The following DGKG variants were observed in gnomAD, a reference collection of about 807,000 sequenced individuals.
The protein encoded by DGKG is diacylglycerol kinase gamma.
DGKG carries 78 observed loss-of-function variants against 105.3 expected under a neutral mutation model. The ratio of observed to expected loss-of-function variants is 0.74; its 90% CI spans 0.62 to 0.89. The LOEUF (loss-of-function observed/expected upper bound fraction) is 0.89. DGKG is among the 40% of genes least tolerant of loss of function. The pLI is 0.00. For synonymous variants in DGKG, 346 were observed against 367.1 expected (o/e 0.94, Z 0.66); for missense variants, 958 against 1,020.1 (o/e 0.94, Z 0.83).
intron 20 of DGKG, among the ~76,000 whole-genome samples, chr3:186,218,264 G>C (rs938097157): frequency 6.6e-6 from 1 of 152,016 alleles, no homozygotes; most frequent in Admixed American, 6.6e-5. Context: ...CAGCACTTTG[G>C]GAGGCTGAGG....
Position 186,254,384 on chromosome 3 carries a change from G to A in DGKG, c.1511-1202C>T, listed in dbSNP as rs574442375. Among the ~76,000 whole-genome samples the A allele has an allele frequency of 1.2e-4, 18 of 152,260 alleles. No homozygotes were observed. In the South Asian group the frequency reaches 3.7e-3, roughly 32 times the overall value. On this transcript the variant is annotated intron_variant, in intron 17 of 24. Coordinates refer to ENST00000265022, the MANE Select transcript of DGKG (RefSeq NM_001346.3). ...GCCACTGGAAGGCTTGAGATAGAGA[G>A]CAAAACAATGCAATGGCCCCTCTCG...
intron 13 of DGKG, 55 bp downstream of exon 13, chr3:186,267,630 A>G (rs1722117773): frequency 6.4e-6 from 9 of 1,415,052 alleles, no homozygotes; most frequent in South Asian, 5.7e-5. Flanking sequence ...AGCTGCCTAC[A>G]TCTGAAACCA....
chr3:186,202,458 G>A (rs1228189812), intron 21 of DGKG, among the ~76,000 whole-genome samples: 6 of 152,236 alleles, frequency 3.9e-5, no homozygotes, highest in African/African-American at 7.2e-5. Context: ...TGTAGAGGAA[G>A]AAAAGGATTG....
At chr3:186,308,413 A>G (rs1262804333) in intron 2 of DGKG, among the ~76,000 whole-genome samples, 3 of 152,168 alleles carry the variant, frequency 2.0e-5, no homozygotes, top group Non-Finnish European at 1.5e-5. Flanking sequence ...TCCAAGCTCC[A>G]TTATTGTTGC....
At chr3:186,150,702 C>T (rs1394556685) in intron 24 of DGKG, among the ~76,000 whole-genome samples, 1 of 152,206 alleles carries the variant, frequency 6.6e-6, no homozygotes, top group Non-Finnish European at 1.5e-5. Context: ...GTGGAGAGTT[C>T]CCAATTGAGT....
chr3:186,294,469 G>C (rs1426190427), intron 5 of DGKG, among the ~76,000 whole-genome samples: 2 of 149,532 alleles, frequency 1.3e-5, no homozygotes, highest in Non-Finnish European at 3.0e-5. Context: ...TCGGGAGGCA[G>C]AGGTTGTGGT....
chr3:186,224,482 G>T (rs1222289745), intron 20 of DGKG, among the ~76,000 whole-genome samples: 1 of 152,202 alleles, frequency 6.6e-6, no homozygotes, highest in Non-Finnish European at 1.5e-5. Context: ...AGGAGAAAGA[G>T]TCTGTAAGTT....
Position 186,288,836 on chromosome 3 carries a change from C to A in DGKG, c.418G>T (p.Ala140Ser). ...EKQAPAEDQVAATPLEPPVPR... is the reference protein window; with the variant it reads ...EKQAPAEDQVSATPLEPPVPR... ...ACGGGGGGTTCCAGGGGGGTCGCAG[C>A]CACTTGGTCTTCAGCTGGTGCTTGC... The change falls in exon 6 of 25, where the codon GCT becomes TCT. Residue 140 changes from alanine to serine, a missense_variant. This residue lies in a region of DGKG where 643 missense variants were observed against 619.5 expected (regional missense o/e 1.04). Coordinates refer to ENST00000265022, the MANE Select transcript of DGKG (RefSeq NM_001346.3). The A allele has an allele frequency of 6.2e-7, 1 of 1,605,160 alleles. No individual in the cohort carries two copies. Among genetic ancestry groups the A allele is most frequent in the Non-Finnish European group, 8.5e-7 (1 of 1,176,142 alleles).
chr3:186,331,944 C>T (rs531551527), intron 1 of DGKG, among the ~76,000 whole-genome samples: 13 of 152,268 alleles, frequency 8.5e-5, no homozygotes, highest in Admixed American at 3.9e-4. Flanking sequence ...TAGAAGCAGG[C>T]CCAGAGTAAT....
intron 5 of DGKG, among the ~76,000 whole-genome samples, chr3:186,295,820 AAT>A (rs1390577796): frequency 6.6e-6 from 1 of 151,840 alleles, no homozygotes; most frequent in Non-Finnish European, 1.5e-5. Flanking sequence ...CTGAGTTAAG[AAT>A]AGAGTATACT....
rs184571749 is a variant in DGKG, at chr3:186,323,541, C to A, written c.-248-2834G>T. 1.2e-3 allele frequency among the ~76,000 whole-genome samples: 189 copies of A among 152,284 alleles called. 2 individuals carry two copies. The highest frequency in any genetic ancestry group is 4.3e-3 in the African/African-American group (179 of 41,556). On this transcript the variant is annotated intron_variant, in intron 1 of 24. Coordinates refer to ENST00000265022, the MANE Select transcript of DGKG (RefSeq NM_001346.3). ...GGGTGCGGTGGCTTATGCCTGTAATCCCATCACTTTAGGAGGCTAAGATGG... is the reference window on the plus strand; with the variant it reads ...GGGTGCGGTGGCTTATGCCTGTAATACCATCACTTTAGGAGGCTAAGATGG...
chr3:186,278,898 T>C (rs1208258046), intron 9 of DGKG, among the ~76,000 whole-genome samples: 1 of 152,178 alleles, frequency 6.6e-6, no homozygotes, highest in Non-Finnish European at 1.5e-5. Context: ...AAACGCTTAA[T>C]GTCACCATTT....
chr3:186,320,226 C>T (rs139484553), intron 2 of DGKG, among the ~76,000 whole-genome samples, 167 bp downstream of exon 2: 20 of 152,186 alleles, frequency 1.3e-4, no homozygotes, highest in African/African-American at 3.9e-4. Flanking sequence ...AAGATAATTG[C>T]GTTTTTATGT....
At chr3:186,246,955 G>A (rs972010817) in intron 19 of DGKG, among the ~76,000 whole-genome samples, 2 of 152,162 alleles carry the variant, frequency 1.3e-5, no homozygotes, top group Non-Finnish European at 2.9e-5. Context: ...AGCTTGTGAG[G>A]AGTTCAGAGT....
chr3:186,352,123 G>C (rs1726662602), intron 1 of DGKG, among the ~76,000 whole-genome samples: 1 of 152,084 alleles, frequency 6.6e-6, no homozygotes, highest in Non-Finnish European at 1.5e-5. Context: ...ACAGACTTGA[G>C]AACCACTAGC....
chr3:186,286,018 CTTTCT>C lies in DGKG; in HGVS notation c.545-1314_545-1310del, dbSNP rs549820419. Among the ~76,000 whole-genome samples the C allele has an allele frequency of 1.4e-3, 212 of 152,306 alleles. 1 individual carries two copies. Among genetic ancestry groups the C allele is most frequent in the African/African-American group, 5.0e-3 (206 of 41,576 alleles). On this transcript the variant is annotated intron_variant, in intron 6 of 24. Transcript: ENST00000265022. ...TGTTTAAAACCCTTCATCATGCCTG[CTTTCT>C]CTGCGGAGCACCCGTTGACTGATGC...
Position 186,261,822 on chromosome 3 carries a change from T to A in DGKG, c.1270-44A>T, listed in dbSNP as rs187794797. The stretch of plus-strand genomic sequence containing the variant: ...AAGAAATTAGCTCTGCTTCATCCAA[T>A]AGGGGGCGTGAGATGAGAGTTGAAG... On this transcript the variant is annotated intron_variant, in intron 14 of 24. Transcript: ENST00000265022. 68 of 1,285,164 alleles carry A rather than the reference T, an allele frequency of 5.3e-5. 2 individuals carry two copies. In the Middle Eastern group the frequency reaches 1.1e-3, roughly 21 times the overall value. The allele number at this position is 1,285,164 out of a possible 1,614,324, so 79.6% of individuals were successfully genotyped here. A position where few individuals can be genotyped will look rare whatever the true frequency, so the allele number is the denominator to read the frequency against.
intron 11 of DGKG, among the ~76,000 whole-genome samples, chr3:186,269,485 T>A (rs1205492486): frequency 4.6e-5 from 7 of 152,242 alleles, no homozygotes; most frequent in Non-Finnish European, 8.8e-5. Context: ...GGTGCAGTCC[T>A]GGCCCTTTGG....
chr3:186,151,666 G>C (rs1427999791), intron 24 of DGKG, among the ~76,000 whole-genome samples: 1 of 152,162 alleles, frequency 6.6e-6, no homozygotes, highest in Non-Finnish European at 1.5e-5. Context: ...AAGCATGAGA[G>C]ATGGCATTCT....
Sources: allele counts gnomAD v4.1 joint callset (sites outside exome capture counted in the v4.1 genomes callset), GRCh38; gene constraint gnomAD v4.1.1; regional missense constraint gnomAD v4.1.1; transcripts MANE v1.5; gene names NCBI Gene and HGNC (gene_info 2026-07-23, HGNC 2026-07-21).